The following SPATA17 variants were observed in gnomAD, a reference collection of about 807,000 sequenced individuals.
SPATA17 encodes spermatogenesis associated 17.
SPATA17 carries 53 observed loss-of-function variants against 62.2 expected under a neutral mutation model. The observed-to-expected ratio is 0.85, with a 90% CI of 0.68 to 1.07. The LOEUF is 1.07. SPATA17 is among the 50% of genes least tolerant of loss of function. SPATA17 has a pLI of 0.00. For synonymous variants in SPATA17, 146 were observed against 146.8 expected, an observed-to-expected ratio of 0.99 and a Z score of 0.04; for missense variants, 466 against 425.5, an observed-to-expected ratio of 1.10 and a Z score of -0.84.
At chr1:217,840,998 A>G (rs1675382140) in intron 9 of SPATA17, among the ~76,000 whole-genome samples, 1 of 152,006 alleles carries the variant, frequency 6.6e-6, no homozygotes, top group African/African-American at 2.4e-5. Flanking sequence ...GAACATACAT[A>G]TATTCAGAAA....
At chr1:217,762,739 AG>A (rs1673200952) in intron 6 of SPATA17, among the ~76,000 whole-genome samples, 1 of 152,226 alleles carries the variant, frequency 6.6e-6, no homozygotes, top group Non-Finnish European at 1.5e-5. Flanking sequence ...TGGGACGCCG[AG>A]GCAGGCAGAT....
At position 217,741,971 on chromosome 1, in the gene SPATA17, G is replaced by A; in HGVS notation, c.396-4G>A. On this transcript the variant is annotated splice_polypyrimidine_tract_variant and splice_region_variant and intron_variant, in intron 5 of 10. Transcript: ENST00000366933. ...ATAAATAACTGCAGATGGTTTTGAT[G>A]CAGGAAGGCACTGGAGGAGTTTGCA... The A allele has an allele frequency of 1.2e-6, 2 of 1,613,812 alleles. No individual in the cohort carries two copies.
chr1:217,669,082 G>A lies in SPATA17; in HGVS notation c.290G>A (p.Arg97Lys). Residue 97 changes from arginine (R) to lysine (K), a missense_variant and splice_region_variant, in exon 4 of 11, where the codon AGG (arginine) becomes AAG (lysine). Physicochemically the swap from Arg to Lys is conservative, Grantham distance 26. Coordinates refer to ENST00000366933, the MANE Select transcript of SPATA17 (RefSeq NM_138796.4). ...AATCTCTACAATGCAATGGCTGTCA[G>A]GGTAAATATTTCTTCACTTGTTAAA... ...MMNLYNAMAV[R>K]IQRRWRGYRV... The A allele has an allele frequency of 6.2e-7, 1 of 1,609,660 alleles. No homozygotes were observed. The highest frequency in any genetic ancestry group is 8.5e-7 in the Non-Finnish European group (1 of 1,178,344).
intron 9 of SPATA17, among the ~76,000 whole-genome samples, chr1:217,859,241 A>T (rs1313153171): frequency 6.8e-6 from 1 of 147,032 alleles, no homozygotes; most frequent in Non-Finnish European, 1.5e-5. Flanking sequence ...AAAATTTTAT[A>T]TATTATGTAT....
rs766786527 is a variant in SPATA17 at position 217,774,586 on chromosome 1, T to A, written c.723+49T>A. 14 of 1,511,376 alleles carry A rather than the reference T, an allele frequency of 9.3e-6. No individual in the cohort carries two copies. In the East Asian group the frequency reaches 3.3e-4, roughly 36 times the overall value. 93.6% of individuals were successfully genotyped at this position (1,511,376 alleles called of 1,614,324 possible). On this transcript the variant is annotated intron_variant, in intron 7 of 10. Transcript: ENST00000366933. Reference sequence around the variant, plus strand: ...TCTGTCATTAATTTTATTCTTGCTATTTTTTGCACTTTTTATATAACACTA... The same window carrying A: ...TCTGTCATTAATTTTATTCTTGCTAATTTTTGCACTTTTTATATAACACTA...
At chr1:217,683,662 G>A (rs1478801103) in intron 5 of SPATA17, among the ~76,000 whole-genome samples, 5 of 152,020 alleles carry the variant, frequency 3.3e-5, no homozygotes, top group South Asian at 2.1e-4. Flanking sequence ...GGCTGGTCTC[G>A]AACTCCTGAC....
intron 9 of SPATA17, among the ~76,000 whole-genome samples, chr1:217,859,015 G>A (rs1333954642): frequency 2.0e-5 from 3 of 151,238 alleles, no homozygotes; most frequent in Non-Finnish European, 4.4e-5. Flanking sequence ...GTGACAAAGC[G>A]AGACTCCGTC....
intron 3 of SPATA17, among the ~76,000 whole-genome samples, chr1:217,655,679 A>G (rs1448356567): frequency 6.6e-6 from 1 of 151,992 alleles, no homozygotes; most frequent in African/African-American, 2.4e-5. Flanking sequence ...TTATTTATTC[A>G]TGTATTTATA....
At chr1:217,771,776 G>A (rs1319314189) in intron 6 of SPATA17, among the ~76,000 whole-genome samples, 2 of 152,140 alleles carry the variant, frequency 1.3e-5, no homozygotes, top group Non-Finnish European at 2.9e-5. Context: ...TATAATTTAA[G>A]AAAGCTATCA....
intron 5 of SPATA17, among the ~76,000 whole-genome samples, chr1:217,725,876 A>C (rs1251355220): frequency 6.6e-6 from 1 of 152,208 alleles, no homozygotes; most frequent in Non-Finnish European, 1.5e-5. Context: ...TGGGAATTTA[A>C]AAAATGTTCA....
At chr1:217,842,856 C>CT (rs1444378348) in intron 9 of SPATA17, among the ~76,000 whole-genome samples, 1 of 151,828 alleles carries the variant, frequency 6.6e-6, no homozygotes, top group Admixed American at 6.6e-5. Context: ...TATTTTCACC[C>CT]TTTATTTTTA....
chr1:217,782,370 A>C, intron 8 of SPATA17, 48 bp downstream of exon 8: 1 of 1,517,110 alleles, frequency 6.6e-7, no homozygotes, highest in Non-Finnish European at 8.8e-7. Flanking sequence ...TTGGTGCCTT[A>C]AATTTTCTAA....
chr1:217,695,906 C>G (rs1671444485), intron 5 of SPATA17, among the ~76,000 whole-genome samples: 1 of 136,486 alleles, frequency 7.3e-6, no homozygotes, highest in African/African-American at 2.8e-5. Context: ...AGCTGTCAGA[C>G]AGGGACATTT....
intron 4 of SPATA17, among the ~76,000 whole-genome samples, chr1:217,674,483 G>T (rs1358058777): frequency 6.6e-6 from 1 of 152,196 alleles, no homozygotes; most frequent in Non-Finnish European, 1.5e-5. Flanking sequence ...TGCATGCTCA[G>T]TCCCTGGCAG....
intron 7 of SPATA17, among the ~76,000 whole-genome samples, chr1:217,780,530 C>G (rs1050516906): frequency 6.6e-6 from 1 of 152,016 alleles, no homozygotes; most frequent in Non-Finnish European, 1.5e-5. Context: ...GTAGAGTAAG[C>G]CTACAAGTAG....
At chr1:217,641,552 A>G (rs1670062248) in intron 1 of SPATA17, among the ~76,000 whole-genome samples, 1 of 152,192 alleles carries the variant, frequency 6.6e-6, no homozygotes, top group African/African-American at 2.4e-5. Flanking sequence ...TGGGACATTA[A>G]AAAGAAGCAA....
At chr1:217,749,971 C>A (rs1302412786) in intron 6 of SPATA17, among the ~76,000 whole-genome samples, 61 of 45,774 alleles carry the variant, frequency 1.3e-3, no homozygotes, top group Non-Finnish European at 2.2e-3. Flanking sequence ...CTCTCTCTCT[C>A]TCTCTCTCTC....
intron 9 of SPATA17, among the ~76,000 whole-genome samples, chr1:217,862,370 G>T (rs78997883): frequency 2.9e-4 from 44 of 152,266 alleles, no homozygotes; most frequent in African/African-American, 1.0e-3. Flanking sequence ...TGCCCTCTAT[G>T]ATAGTGATTT....
rs548878806 is a variant in SPATA17, at chr1:217,727,631, TATA to T, written c.396-14340_396-14338del. ...TAAAGAGTCTGATTCTCTTAAAATG[TATA>T]ATATTCTTTTACATATTTTTCCTCT... On this transcript the variant is annotated intron_variant, in intron 5 of 10. Coordinates refer to ENST00000366933, the MANE Select transcript of SPATA17 (RefSeq NM_138796.4). Among the ~76,000 whole-genome samples, 6 of 152,318 alleles carry T rather than the reference TATA, an allele frequency of 3.9e-5. No homozygotes were observed. The East Asian group carries it at 1.2e-3, about 29-fold the overall frequency.
Sources: gnomAD v4.1 joint callset for allele counts (sites outside exome capture counted in the v4.1 genomes callset) on GRCh38, gnomAD v4.1.1 for gene constraint, MANE v1.5 for transcripts, NCBI Gene and HGNC (gene_info 2026-07-23, HGNC 2026-07-21) for gene names.